SOHLH2: variants seen among roughly 807,000 people sequenced by gnomAD.
SOHLH2 encodes the protein spermatogenesis- and oogenesis-specific basic helix-loop-helix-containing protein 2.
SOHLH2 carries 22 observed loss-of-function variants against 50.4 expected under a neutral mutation model. The ratio of observed to expected loss-of-function variants is 0.44; its 90% CI spans 0.31 to 0.62. SOHLH2 has a LOEUF of 0.62. SOHLH2 is among the 20% of genes least tolerant of loss of function. SOHLH2 has a pLI of 0.08. For missense variants in SOHLH2, 412 were observed against 504.4 expected (o/e 0.82, Z 1.76); for synonymous variants, 185 against 187.3 (o/e 0.99, Z 0.10).
intron 1 of SOHLH2, among the ~76,000 whole-genome samples, chr13:36,212,865 A>T (rs1869206334): frequency 6.6e-6 from 1 of 152,226 alleles, no homozygotes; most frequent in Non-Finnish European, 1.5e-5. Context: ...AGTAACATGC[A>T]GGGCACTCTA....
chr13:36,183,254 T>C, intron 6 of SOHLH2: 1 of 266,512 alleles, frequency 3.8e-6, no homozygotes, highest in Admixed American at 3.0e-5. Flanking sequence ...CAGTCTCTGG[T>C]ATTTCTTTAT....
At chr13:36,176,858 C>T (rs1355779874) in intron 6 of SOHLH2, among the ~76,000 whole-genome samples, 1 of 152,048 alleles carries the variant, frequency 6.6e-6, no homozygotes, top group African/African-American at 2.4e-5. Flanking sequence ...TAGACATAAG[C>T]ACATTACACT....
chr13:36,174,803 A>T lies in SOHLH2; in HGVS notation c.708T>A (p.Asn236Lys), dbSNP rs1401306158. Residue 236 changes from asparagine (N) to lysine (K), a missense_variant, in exon 7 of 11, where the codon AAT becomes AAA. Physicochemically the swap from Asn to Lys is moderately conservative, Grantham distance 94 (BLOSUM62 0). Transcript: ENST00000379881. ...TTGCCTCAAGAACTGAAGCCGCATC[A>T]TTCTTTCTCCCTTTTACATACGGCA... ...TLLPYVKGRK[N>K]DAASVLEATV... is the part of the protein sequence containing the mutation. 2.5e-6 allele frequency: 4 copies of T among 1,611,148 alleles called. No homozygotes were observed. In the Admixed American group the frequency reaches 6.8e-5, roughly 27 times the overall value.
chr13:36,184,214 C>T (rs1346496418), intron 6 of SOHLH2, among the ~76,000 whole-genome samples: 1 of 151,990 alleles, frequency 6.6e-6, no homozygotes, highest in Non-Finnish European at 1.5e-5. Flanking sequence ...AGTCTCCAAA[C>T]ATTCAAGTTA....
chr13:36,173,663 A>G (rs777606132), intron 9 of SOHLH2, 29 bp downstream of exon 9: 1 of 1,611,838 alleles, frequency 6.2e-7, no homozygotes, highest in Non-Finnish European at 8.5e-7. Flanking sequence ...GTCCCCCTCT[A>G]AGTGGCACAG....
Position 36,213,406 on chromosome 13 carries a change from T to A in SOHLH2, c.48+1073A>T, listed in dbSNP as rs183001413. ...CCTAATTCCATTTCAGAAAGCTTGC[T>A]CTTAAGAAGAGATGAAATTAAGTTT... On this transcript the variant is annotated intron_variant, in intron 1 of 10. Transcript: ENST00000379881. 8.7e-4 allele frequency among the ~76,000 whole-genome samples: 132 copies of A among 152,280 alleles called. 1 individual carries two copies. Among genetic ancestry groups the A allele is most frequent in the African/African-American group, 2.9e-3 (122 of 41,564 alleles).
chr13:36,182,696 A>C (rs928621216), intron 6 of SOHLH2: 1 of 152,258 alleles, frequency 6.6e-6, no homozygotes, highest in African/African-American at 2.4e-5. Flanking sequence ...GGTTAACACC[A>C]CACTGAGAAG....
At chr13:36,200,489 C>G (rs1887865949) in intron 2 of SOHLH2, among the ~76,000 whole-genome samples, 1 of 152,170 alleles carries the variant, frequency 6.6e-6, no homozygotes, top group African/African-American at 2.4e-5. Context: ...TTTCTTTTCC[C>G]TTAACATACT....
Position 36,193,725 on chromosome 13 carries a change from C to G in SOHLH2, c.326G>C (p.Gly109Ala). 1 of 1,606,542 alleles carries G rather than the reference C, an allele frequency of 6.2e-7. No homozygotes were observed. The highest frequency in any genetic ancestry group is 1.3e-5 in the African/African-American group (1 of 74,468). Residue 109 changes from glycine (G) to alanine (A), a missense_variant and splice_region_variant, in exon 4 of 11, where the codon GGT (glycine) becomes GCT (alanine). Physicochemically the swap from Gly to Ala is moderately conservative, Grantham distance 60. Coordinates refer to ENST00000379881, the MANE Select transcript of SOHLH2 (RefSeq NM_017826.3). ...FVFIIPENFK[G>A]CISGHGMDIA... ...ATCCATTCCATGCCCTGAAATACAA[C>G]CTAAGAATCTTTATATTAAATATTG...
In SOHLH2 at chr13:36,183,100, T is replaced by G. The variant is rs1007410119; in HGVS notation, c.641+6846A>C. ...CTTTCTCTCTCTCTTGCTCCTCCTC[T>G]TGCTATGTGACACATTGGCTCCACT... On this transcript the variant is annotated intron_variant, in intron 6 of 10. Transcript: ENST00000379881. 4.3e-5 allele frequency: 13 copies of G among 304,322 alleles called. No homozygotes were observed. In the East Asian group the frequency reaches 1.1e-3, roughly 25 times the overall value. The allele number at this position is 304,322 out of a possible 1,614,324, so 18.9% of individuals were successfully genotyped here. A position where few individuals can be genotyped will look rare whatever the true frequency, so the allele number is the denominator to read the frequency against.
At chr13:36,185,071 T>G (rs1876368520) in intron 6 of SOHLH2, among the ~76,000 whole-genome samples, 1 of 152,216 alleles carries the variant, frequency 6.6e-6, no homozygotes, top group Admixed American at 6.5e-5. Context: ...GGTTTCCAGC[T>G]TCATCTACGT....
At chr13:36,178,818 T>G (rs1887164972) in intron 6 of SOHLH2, among the ~76,000 whole-genome samples, 1 of 148,142 alleles carries the variant, frequency 6.8e-6, no homozygotes, top group African/African-American at 2.6e-5. Flanking sequence ...TACAGATCAT[T>G]TGTTTTTTTT....
chr13:36,205,225 A>C (rs1045627690), intron 1 of SOHLH2, among the ~76,000 whole-genome samples: 1 of 152,162 alleles, frequency 6.6e-6, no homozygotes, highest in African/African-American at 2.4e-5. Context: ...AAAAAATTAC[A>C]CTTTTTTTCT....
chr13:36,180,224 A>G (rs754499467), intron 6 of SOHLH2, among the ~76,000 whole-genome samples: 10 of 152,182 alleles, frequency 6.6e-5, no homozygotes, highest in Non-Finnish European at 1.5e-4. Flanking sequence ...TAGAGTAGCT[A>G]TCATGATCAT....
chr13:36,208,624 A>G (rs1173473338), intron 1 of SOHLH2, among the ~76,000 whole-genome samples: 1 of 152,108 alleles, frequency 6.6e-6, no homozygotes, highest in Non-Finnish European at 1.5e-5. Flanking sequence ...ATTATTAAAT[A>G]TTTACATTTT....
At chr13:36,210,568 C>CT (rs1869057015) in intron 1 of SOHLH2, among the ~76,000 whole-genome samples, 1 of 152,024 alleles carries the variant, frequency 6.6e-6, no homozygotes, top group Non-Finnish European at 1.5e-5. Flanking sequence ...TCTTATTTTT[C>CT]CATGATATTT....
chr13:36,168,966 C>A lies in SOHLH2; in HGVS notation c.*68G>T. ...GGAGCTTTCAAAATCATTCTTTGTT[C>A]CACTTTTCCTAGATTGTCAAACTGC... On this transcript the variant is annotated 3_prime_UTR_variant, in exon 11 of 11. Coordinates refer to ENST00000379881, the MANE Select transcript of SOHLH2 (RefSeq NM_017826.3). 6.4e-7 allele frequency: 1 copy of A among 1,564,080 alleles called. No individual in the cohort carries two copies. Among genetic ancestry groups the A allele is most frequent in the South Asian group, 1.2e-5 (1 of 82,372 alleles).
intron 10 of SOHLH2, 57 bp from the exon 11 acceptor site, chr13:36,169,111 A>G (rs1489329141): frequency 6.4e-7 from 1 of 1,570,146 alleles, no homozygotes; most frequent in African/African-American, 1.4e-5. Context: ...TCTTACTCAT[A>G]ATGTCATGAT....
intron 1 of SOHLH2, among the ~76,000 whole-genome samples, chr13:36,203,225 C>T (rs2138321478): frequency 6.6e-6 from 1 of 152,294 alleles, no homozygotes; most frequent in South Asian, 2.1e-4. Context: ...ACATACATAG[C>T]TTTTCATAAA....
Sources: allele counts gnomAD v4.1 joint callset (sites outside exome capture counted in the v4.1 genomes callset), GRCh38; gene constraint gnomAD v4.1.1; transcripts MANE v1.5; gene names NCBI Gene and HGNC (gene_info 2026-07-23, HGNC 2026-07-21).